The following ZNF236 variants were observed in gnomAD, a reference collection of about 807,000 sequenced individuals.
ZNF236 encodes the protein regulated by glucose.
ZNF236 carries 50 observed loss-of-function variants against 191.2 expected under a neutral mutation model. The observed-to-expected ratio is 0.26, with a 90% CI of 0.21 to 0.33. ZNF236 has a LOEUF of 0.33. Ranked by LOEUF, ZNF236 falls within the 10% of genes least tolerant of loss-of-function variation. The pLI, the probability that ZNF236 is intolerant of heterozygous loss-of-function variation, is 1.00. For missense variants in ZNF236, 1,754 were observed against 2,374.5 expected (o/e 0.74, Z 5.43); for synonymous variants, 907 against 928.8 (o/e 0.98, Z 0.43).
intron 10 of ZNF236, among the ~76,000 whole-genome samples, chr18:76,898,626 T>G (rs1977502211): frequency 6.6e-6 from 1 of 152,100 alleles, no homozygotes; most frequent in Non-Finnish European, 1.5e-5. Context: ...TGCTAAGTGC[T>G]GTTTAAATGT....
chr18:76,918,104 G>A (rs1020617808), intron 19 of ZNF236, among the ~76,000 whole-genome samples: 7 of 152,082 alleles, frequency 4.6e-5, no homozygotes. Context: ...TTTCTGTTGA[G>A]TTGTAAGTTT....
At chr18:76,876,971 T>C (rs1450829215) in intron 6 of ZNF236, among the ~76,000 whole-genome samples, 1 of 152,152 alleles carries the variant, frequency 6.6e-6, no homozygotes, top group Non-Finnish European at 1.5e-5. Flanking sequence ...GATTGGTTCA[T>C]AAATATTATC....
At chr18:76,867,147 T>G (rs935215912) in intron 3 of ZNF236, among the ~76,000 whole-genome samples, 6 of 151,738 alleles carry the variant, frequency 4.0e-5, no homozygotes, top group Admixed American at 2.6e-4. Flanking sequence ...TGTGATGTGA[T>G]TTTGAGACAG....
chr18:76,900,416 A>G (rs1275092249), intron 11 of ZNF236, among the ~76,000 whole-genome samples: 1 of 152,196 alleles, frequency 6.6e-6, no homozygotes, highest in Non-Finnish European at 1.5e-5. Context: ...AAAAAGAGTT[A>G]CTTAATAGCT....
chr18:76,946,479 G>T (rs118181340), intron 26 of ZNF236, among the ~76,000 whole-genome samples: 6,613 of 152,314 alleles, frequency 0.043, 204 homozygotes, highest in Middle Eastern at 0.11. Context: ...CTCAGCTTGT[G>T]TAGTTCCCTA....
intron 1 of ZNF236, among the ~76,000 whole-genome samples, chr18:76,838,675 G>T (rs1489732430): frequency 6.6e-6 from 1 of 152,160 alleles, no homozygotes; most frequent in East Asian, 1.9e-4. Flanking sequence ...CCAATCTAGA[G>T]GAAAAGACAG....
chr18:76,824,072 A>G (rs962520085), intron 1 of ZNF236: 8 of 514,854 alleles, frequency 1.6e-5, no homozygotes, highest in African/African-American at 1.3e-4. Context: ...TAGTGACTCA[A>G]GTGTTCCCCT....
chr18:76,889,601 G>A (rs1371420437), intron 9 of ZNF236, among the ~76,000 whole-genome samples: 1 of 152,184 alleles, frequency 6.6e-6, no homozygotes, highest in East Asian at 1.9e-4. Context: ...GTGGGACTAA[G>A]GATAGAATAA....
chr18:76,915,616 C>T, intron 18 of ZNF236, 31 bp from the exon 19 acceptor site: 2 of 1,607,992 alleles, frequency 1.2e-6, no homozygotes, highest in Middle Eastern at 2.1e-4. Context: ...AGGATTGGTT[C>T]CAGCCGTTTT....
chr18:76,955,942 C>T lies in ZNF236; in HGVS notation c.4915-43C>T, dbSNP rs765790031. 35 of 1,577,622 alleles carry T rather than the reference C, an allele frequency of 2.2e-5. No homozygotes were observed. In the African/African-American group the frequency reaches 4.7e-4, roughly 21 times the overall value. ...GTGTCAGTTCACAAACTGCACAAAT[C>T]AAGCCAAGTGAGTGGAAAGTCACAA... On this transcript the variant is annotated intron_variant, in intron 27 of 30. Transcript: ENST00000320610.
At chr18:76,834,745 G>T in intron 1 of ZNF236, 1 of 439,926 alleles carries the variant, frequency 2.3e-6, no homozygotes, top group Non-Finnish European at 4.5e-6. Flanking sequence ...CCTTTCGGAT[G>T]GGCATGGATC....
intron 1 of ZNF236, among the ~76,000 whole-genome samples, chr18:76,823,734 G>A (rs759376157): frequency 3.9e-5 from 6 of 152,248 alleles, no homozygotes; most frequent in Non-Finnish European, 7.3e-5. Flanking sequence ...GCCTTCCAAA[G>A]CCCCAGCCCG....
chr18:76,913,341 A>T (rs1036989368), intron 17 of ZNF236, among the ~76,000 whole-genome samples: 6 of 152,222 alleles, frequency 3.9e-5, no homozygotes, highest in Non-Finnish European at 2.9e-5. Flanking sequence ...AAGTGACTAG[A>T]TACAGGAGTG....
At chr18:76,870,471 A>G (rs180878381) in intron 4 of ZNF236, among the ~76,000 whole-genome samples, 181 of 152,332 alleles carry the variant, frequency 1.2e-3, no homozygotes, top group Non-Finnish European at 2.0e-3. Context: ...CCTGGCTTCT[A>G]GGTCTTTCCA....
At chr18:76,859,765 T>C (rs902529566) in intron 3 of ZNF236, among the ~76,000 whole-genome samples, 2 of 152,198 alleles carry the variant, frequency 1.3e-5, no homozygotes, top group African/African-American at 4.8e-5. Flanking sequence ...AAGCTTGTTA[T>C]GGTGCACTGC....
chr18:76,840,257 G>A (rs1369741794), intron 1 of ZNF236, among the ~76,000 whole-genome samples: 1 of 152,234 alleles, frequency 6.6e-6, no homozygotes, highest in Non-Finnish European at 1.5e-5. Context: ...CACTTTGGGA[G>A]GCCGAGGCGG....
chr18:76,947,709 C>T (rs1235284397), intron 27 of ZNF236, 57 bp downstream of exon 27: 1 of 1,581,100 alleles, frequency 6.3e-7, no homozygotes, highest in Non-Finnish European at 8.6e-7. Context: ...CATACAGATT[C>T]AGAAGGGATG....
Position 76,847,395 on chromosome 18 carries a change from T to C in ZNF236, c.56-2131T>C, listed in dbSNP as rs752185407. 2.7e-4 allele frequency among the ~76,000 whole-genome samples: 41 copies of C among 152,186 alleles called. 1 individual carries two copies. Among genetic ancestry groups the C allele is most frequent in the Non-Finnish European group, 2.4e-4 (16 of 68,032 alleles). On this transcript the variant is annotated intron_variant, in intron 1 of 30. Coordinates refer to ENST00000320610, the MANE Select transcript of ZNF236 (RefSeq NM_001306089.2). ...ACCTCGAAGCTGTTTCTTACCATAC[T>C]ACACAGTTTTCCAAGGGAATTGTAT...
chr18:76,883,196 C>A (rs1042551294), intron 9 of ZNF236, among the ~76,000 whole-genome samples: 1 of 152,090 alleles, frequency 6.6e-6, no homozygotes, highest in Non-Finnish European at 1.5e-5. Flanking sequence ...CCTTCCTGTA[C>A]GGTATTCTAG....
Sources: gnomAD v4.1 joint callset for allele counts (sites outside exome capture counted in the v4.1 genomes callset) on GRCh38, gnomAD v4.1.1 for gene constraint, MANE v1.5 for transcripts, NCBI Gene and HGNC (gene_info 2026-07-23, HGNC 2026-07-21) for gene names.